The following LDHAL6A variants were observed in gnomAD, a reference collection of about 807,000 sequenced individuals.
The protein encoded by LDHAL6A is lactate dehydrogenase A like 6A, also known as L-lactate dehydrogenase A-like 6A.
In LDHAL6A, 19 loss-of-function variants were observed where a neutral mutation model predicts 28.2. That is an observed-to-expected ratio of 0.67 (90% confidence interval 0.47 to 0.99). The LOEUF is 0.99. LDHAL6A is among the 50% of genes least tolerant of loss of function. LDHAL6A has a pLI of 0.00. For synonymous variants in LDHAL6A, 144 were observed against 134.4 expected (o/e 1.07, Z -0.49); for missense variants, 372 against 398.6 (o/e 0.93, Z 0.57).
At chr11:18,473,382 T>A (rs1849294262) in intron 3 of LDHAL6A, among the ~76,000 whole-genome samples, 1 of 149,584 alleles carries the variant, frequency 6.7e-6, no homozygotes, top group Admixed American at 6.6e-5. Flanking sequence ...TAGATGAAGG[T>A]AGGTAGGTAG....
Position 18,464,977 on chromosome 11 carries a change from G to GTTTGTTTTTTTT in LDHAL6A, c.245-657_245-656insGTTTTTTTTTTT, listed in dbSNP as rs1849013732. Reference sequence around the variant, plus strand: ...TTTTAGGAGGTGAGGTGTTTTTTTTGTTTTTTTTTGTTTTGTTTTGTTTTG... The same window carrying GTTTGTTTTTTTT: ...TTTTAGGAGGTGAGGTGTTTTTTTTGTTTGTTTTTTTTTTTTTTTTTGTTTTGTTTTGTTTTG... On this transcript the variant is annotated intron_variant, in intron 2 of 6. Transcript: ENST00000280706. 2.1e-4 allele frequency among the ~76,000 whole-genome samples: 26 copies of GTTTGTTTTTTTT among 125,560 alleles called. 1 individual carries two copies. The highest frequency in any genetic ancestry group is 8.1e-4 in the African/African-American group (24 of 29,800). 82.4% of individuals were successfully genotyped at this position (125,560 alleles called of 152,430 possible).
intron 3 of LDHAL6A, among the ~76,000 whole-genome samples, chr11:18,467,942 CACAT>C (rs1382667518): frequency 7.3e-5 from 4 of 54,954 alleles, no homozygotes; most frequent in Non-Finnish European, 1.2e-4. Context: ...TATATACACA[CACAT>C]ATATATATAC....
chr11:18,467,623 T>A (rs1401404875), intron 3 of LDHAL6A, among the ~76,000 whole-genome samples: 2 of 151,698 alleles, frequency 1.3e-5, no homozygotes, highest in Non-Finnish European at 2.9e-5. Flanking sequence ...CTTTGGGAGC[T>A]GAGCCAGGTG....
chr11:18,464,977 G>GTTTTTGTTTTTTTTTTTTTTT (rs1849014791), intron 2 of LDHAL6A, among the ~76,000 whole-genome samples: 1 of 125,490 alleles, frequency 8.0e-6, no homozygotes, highest in African/African-American at 3.4e-5. Flanking sequence ...TGTTTTTTTT[G>GTTTTTGTTTTTTTTTTTTTTT]TTTTTTTTTG....
At chr11:18,476,670 T>C in intron 5 of LDHAL6A, 169 bp downstream of exon 5, 2 of 942,840 alleles carry the variant, frequency 2.1e-6, no homozygotes, top group Non-Finnish European at 2.5e-6. Context: ...TCTTCAACAG[T>C]CAGGAACTGA....
intron 6 of LDHAL6A, among the ~76,000 whole-genome samples, chr11:18,478,009 C>G (rs1849433430): frequency 6.6e-6 from 1 of 152,190 alleles, no homozygotes; most frequent in East Asian, 1.9e-4. Flanking sequence ...CTGATTCTAC[C>G]AGTATCTAGA....
intron 3 of LDHAL6A, among the ~76,000 whole-genome samples, chr11:18,473,950 C>T (rs1488374684): frequency 1.3e-5 from 2 of 152,120 alleles, no homozygotes; most frequent in African/African-American, 4.8e-5. Flanking sequence ...ATGAGTTTTC[C>T]TACAGTTAAA....
intron 1 of LDHAL6A, among the ~76,000 whole-genome samples, chr11:18,463,739 T>G (rs1848981622): frequency 6.6e-6 from 1 of 152,218 alleles, no homozygotes; most frequent in Non-Finnish European, 1.5e-5. Context: ...CAGTTTCTGT[T>G]TTTGTTTTCC....
At chr11:18,473,491 C>A (rs1849296796) in intron 3 of LDHAL6A, among the ~76,000 whole-genome samples, 1 of 152,142 alleles carries the variant, frequency 6.6e-6, no homozygotes, top group South Asian at 2.1e-4. Context: ...AACCTTGAAC[C>A]CCTGGGCTCA....
rs111546689 is a variant in LDHAL6A, at chr11:18,461,860, G to A, written c.127-2101G>A. Among the ~76,000 whole-genome samples the A allele has an allele frequency of 9.0e-3, 1,185 of 131,048 alleles. 5 individuals are homozygous for A. Among genetic ancestry groups the A allele is most frequent in the Middle Eastern group, 0.028 (7 of 248 alleles). The allele number at this position is 131,048 out of a possible 152,430, so 86.0% of individuals were successfully genotyped here. On this transcript the variant is annotated intron_variant, in intron 1 of 6. Coordinates refer to ENST00000280706, the MANE Select transcript of LDHAL6A (RefSeq NM_144972.5). ...GAGCAAGATTCCGTCTCAAAAAAAAGAAAAAAAAAAAAAAACTAGGCTGGG... is the reference window on the plus strand; with the variant it reads ...GAGCAAGATTCCGTCTCAAAAAAAAAAAAAAAAAAAAAAAACTAGGCTGGG...
intron 1 of LDHAL6A, among the ~76,000 whole-genome samples, chr11:18,462,905 T>G (rs1848963452): frequency 6.6e-6 from 1 of 151,298 alleles, no homozygotes; most frequent in African/African-American, 2.4e-5. Flanking sequence ...CAATCTTTCC[T>G]TAGCATCCAC....
intron 1 of LDHAL6A, among the ~76,000 whole-genome samples, chr11:18,461,869 A>AG (rs1848918279): frequency 6.6e-6 from 1 of 151,376 alleles, no homozygotes; most frequent in Non-Finnish European, 1.5e-5. Flanking sequence ...AGAAAAAAAA[A>AG]AAAAAACTAG....
At chr11:18,460,726 C>T (rs1450434049) in intron 1 of LDHAL6A, among the ~76,000 whole-genome samples, 1 of 152,072 alleles carries the variant, frequency 6.6e-6, no homozygotes, top group Non-Finnish European at 1.5e-5. Context: ...TGCCACTGTA[C>T]TCCAGCTTGG....
At chr11:18,471,210 G>T (rs926375487) in intron 3 of LDHAL6A, among the ~76,000 whole-genome samples, 11 of 138,884 alleles carry the variant, frequency 7.9e-5, no homozygotes, top group Non-Finnish European at 1.7e-4. Flanking sequence ...AACTTTAGAA[G>T]TTTTTTTTTT....
In LDHAL6A at chr11:18,475,571, G is replaced by C. The variant is rs774977756; in HGVS notation, c.524G>C (p.Gly175Ala). ...LDSARFRYFIGQRLGIHSESC... is the reference protein window; with the variant it reads ...LDSARFRYFIAQRLGIHSESC... ...TCTGCTCGTTTTCGTTACTTTATTG[G>C]GCAAAGGCTTGGCATCCACTCTGAA... Residue 175 changes from glycine (G) to alanine (A), a missense_variant, in exon 4 of 7, where the codon GGG becomes GCG. Transcript: ENST00000280706. The C allele has an allele frequency of 2.5e-6, 4 of 1,614,112 alleles. No homozygotes were observed. Among genetic ancestry groups the C allele is most frequent in the Non-Finnish European group, 3.4e-6 (4 of 1,180,014 alleles).
chr11:18,475,305 T>C, intron 3 of LDHAL6A, 161 bp from the exon 4 acceptor site: 1 of 576,390 alleles, frequency 1.7e-6, no homozygotes, highest in Non-Finnish European at 3.1e-6. Context: ...TTCTATTTGG[T>C]AGATATTCTT....
intron 3 of LDHAL6A, among the ~76,000 whole-genome samples, chr11:18,468,049 G>GTATA (rs367822363): frequency 8.9e-4 from 10 of 11,214 alleles, no homozygotes; most frequent in African/African-American, 1.5e-3. Context: ...ATATATATAC[G>GTATA]TATATATATA....
chr11:18,467,880 C>CACAT (rs1185900320), intron 3 of LDHAL6A, among the ~76,000 whole-genome samples: 1,377 of 44,232 alleles, frequency 0.031, 68 homozygotes, highest in Non-Finnish European at 0.036. Flanking sequence ...TATATACACA[C>CACAT]ATATATATAT....
chr11:18,468,947 TA>T (rs1365164481), intron 3 of LDHAL6A: 31 of 362,596 alleles, frequency 8.5e-5, no homozygotes, highest in East Asian at 1.6e-4. Context: ...TTTGATTCTT[TA>T]AAAAAAATAC....
Sources: gnomAD v4.1 joint callset for allele counts (sites outside exome capture counted in the v4.1 genomes callset) on GRCh38, gnomAD v4.1.1 for gene constraint, MANE v1.5 for transcripts, NCBI Gene and HGNC (gene_info 2026-07-23, HGNC 2026-07-21) for gene names.